Variants in MPDZ observed in about 807,000 individuals in gnomAD.
MPDZ encodes the protein multiple PDZ domain protein.
MPDZ carries 234 observed loss-of-function variants against 239.1 expected under a neutral mutation model. The ratio of observed to expected loss-of-function variants is 0.98; its 90% confidence interval spans 0.88 to 1.09. The LOEUF (loss-of-function observed/expected upper bound fraction) is 1.09, where lower values mean the gene tolerates loss of function less well. MPDZ is among the 50% of genes least tolerant of loss of function. The pLI is 0.00. For synonymous variants in MPDZ, 1,048 were observed against 881.3 expected, an observed-to-expected ratio of 1.19 and a Z score of -3.35; for missense variants, 3,175 against 2,510.0, an observed-to-expected ratio of 1.26 and a Z score of -5.66.
chr9:13,134,199 C>G (rs966410332), intron 31 of MPDZ: 1 of 160,678 alleles, frequency 6.2e-6, no homozygotes, highest in Non-Finnish European at 1.4e-5. Flanking sequence ...TGAAGACTGC[C>G]TGGGTTTACT....
chr9:13,107,992 T>TA (rs1941771131), intron 46 of MPDZ, among the ~76,000 whole-genome samples: 1 of 152,140 alleles, frequency 6.6e-6, no homozygotes, highest in Non-Finnish European at 1.5e-5. Flanking sequence ...ATAGCTTTTT[T>TA]AAAAATCTTA....
intron 10 of MPDZ, among the ~76,000 whole-genome samples, chr9:13,214,998 C>A (rs890681041): frequency 2.6e-5 from 4 of 151,962 alleles, no homozygotes; most frequent in Admixed American, 1.3e-4. Flanking sequence ...ACAATATTTA[C>A]CATCTTACCC....
intron 13 of MPDZ, among the ~76,000 whole-genome samples, 200 bp downstream of exon 13, chr9:13,195,921 T>C (rs770644495): frequency 2.6e-5 from 4 of 152,184 alleles, no homozygotes; most frequent in Non-Finnish European, 5.9e-5. Flanking sequence ...TTCCATCCCA[T>C]TTATTTCAGT....
At chr9:13,218,530 A>T (rs1958651749) in intron 8 of MPDZ, among the ~76,000 whole-genome samples, 1 of 151,944 alleles carries the variant, frequency 6.6e-6, no homozygotes, top group South Asian at 2.1e-4. Flanking sequence ...ATAAACAAGC[A>T]TTCTTTACTT....
intron 11 of MPDZ, 28 bp downstream of exon 11, chr9:13,205,888 A>C (rs1956929373): frequency 2.0e-6 from 3 of 1,530,404 alleles, no homozygotes; most frequent in Non-Finnish European, 2.6e-6. Context: ...TAAAGGTCTA[A>C]CTAAAAACCA....
At chr9:13,231,234 T>G (rs932072224) in intron 3 of MPDZ, among the ~76,000 whole-genome samples, 1 of 152,048 alleles carries the variant, frequency 6.6e-6, no homozygotes, top group African/African-American at 2.4e-5. Context: ...AAAAAATACA[T>G]GAAATGAACA....
intron 3 of MPDZ, among the ~76,000 whole-genome samples, chr9:13,247,411 C>T (rs773401162): frequency 6.6e-6 from 1 of 152,118 alleles, no homozygotes; most frequent in Non-Finnish European, 1.5e-5. Context: ...ATCCACACAG[C>T]TTTCAACACA....
chr9:13,249,008 A>AAAAAAAAAAAAAAAAAAAAAAAAAAAC lies in MPDZ; in HGVS notation c.17-1208_17-1207insGTTTTTTTTTTTTTTTTTTTTTTTTTT, dbSNP rs1279043046. On this transcript the variant is annotated intron_variant, in intron 2 of 46. Coordinates refer to ENST00000319217, the MANE Select transcript of MPDZ (RefSeq NM_001378778.1). ...AAAAAAAAAAAAAAAAAAAAAAAAA[A>AAAAAAAAAAAAAAAAAAAAAAAAAAAC]ATTGGAATCATCACCAGAGATACTT... is the stretch of plus-strand genomic sequence containing the variant. Among the ~76,000 whole-genome samples the AAAAAAAAAAAAAAAAAAAAAAAAAAAC allele has an allele frequency of 3.2e-5, 4 of 125,256 alleles. 1 individual carries two copies. Among genetic ancestry groups the AAAAAAAAAAAAAAAAAAAAAAAAAAAC allele is most frequent in the Non-Finnish European group, 6.9e-5 (4 of 58,354 alleles). 82.2% of individuals were successfully genotyped at this position (125,256 alleles called of 152,430 possible).
chr9:13,196,233 G>A lies in MPDZ; in HGVS notation c.1547-3C>T. On this transcript the variant is annotated splice_polypyrimidine_tract_variant and splice_region_variant and intron_variant, in intron 12 of 46. Coordinates refer to ENST00000319217, the MANE Select transcript of MPDZ (RefSeq NM_001378778.1). ...CTCAGCTGACAGTAATGGATACCCTGAAACAGTCAAGGCAATTAAGTTAGC... is the reference window on the plus strand; with the variant it reads ...CTCAGCTGACAGTAATGGATACCCTAAAACAGTCAAGGCAATTAAGTTAGC... 6.4e-7 allele frequency: 1 copy of A among 1,573,464 alleles called. No individual in the cohort carries two copies. The highest frequency in any genetic ancestry group is 8.7e-7 in the Non-Finnish European group (1 of 1,154,678).
chr9:13,109,216 G>C (rs1942007834), intron 45 of MPDZ, among the ~76,000 whole-genome samples, 157 bp from the exon 46 acceptor site: 1 of 151,908 alleles, frequency 6.6e-6, no homozygotes, highest in Non-Finnish European at 1.5e-5. Flanking sequence ...TAAATTGTCA[G>C]TGCATGCTGT....
chr9:13,217,795 A>T (rs541670838), intron 8 of MPDZ, among the ~76,000 whole-genome samples: 11 of 151,854 alleles, frequency 7.2e-5, no homozygotes, highest in Admixed American at 1.3e-4. Flanking sequence ...TTTGTGTGTA[A>T]CTCAGGATTA....
rs749328423 is a variant in MPDZ, at chr9:13,140,099, C to T, written c.3891G>A (p.Val1297=). The T allele has an allele frequency of 8.1e-6, 13 of 1,613,318 alleles. No homozygotes were observed. The Admixed American group carries it at 2.2e-4, about 27-fold the overall frequency. The change falls in exon 28 of 47, where the codon GTG becomes GTA. Residue 1297 remains valine, a synonymous_variant. Coordinates refer to ENST00000319217, the MANE Select transcript of MPDZ (RefSeq NM_001378778.1). Reference sequence around the variant, plus strand: ...CAAAGGCTGAAGGAGGGGGTGGGGGCACACTGCACAATGGAGCCTTCTCTG... The same window carrying T: ...CAAAGGCTGAAGGAGGGGGTGGGGGTACACTGCACAATGGAGCCTTCTCTG... ...SEPEKAPLCS[V]PPPPPSAFAE...
At chr9:13,154,469 T>C (rs963072455) in intron 24 of MPDZ, among the ~76,000 whole-genome samples, 1 of 152,150 alleles carries the variant, frequency 6.6e-6, no homozygotes, top group African/African-American at 2.4e-5. Context: ...GTCCTGCTCT[T>C]TTGCTACTTA....
At chr9:13,135,090 A>C (rs1471510023) in intron 31 of MPDZ, 1 of 152,206 alleles carries the variant, frequency 6.6e-6, no homozygotes, top group African/African-American at 2.4e-5. Flanking sequence ...GTACATTTTT[A>C]CCAGGCTATC....
intron 10 of MPDZ, among the ~76,000 whole-genome samples, chr9:13,211,044 G>A (rs918116672): frequency 1.3e-5 from 2 of 152,112 alleles, no homozygotes; most frequent in Admixed American, 1.3e-4. Flanking sequence ...GAGACAGACT[G>A]AGTGATATAC....
At chr9:13,272,884 G>A (rs1373973257) in intron 1 of MPDZ, among the ~76,000 whole-genome samples, 1 of 152,050 alleles carries the variant, frequency 6.6e-6, no homozygotes, top group Non-Finnish European at 1.5e-5. Flanking sequence ...GACCTATTAA[G>A]GGGGCTGCTA....
At chr9:13,190,629 T>C (rs73647115) in intron 15 of MPDZ, among the ~76,000 whole-genome samples, 4 of 152,024 alleles carry the variant, frequency 2.6e-5, no homozygotes, top group Admixed American at 2.6e-4. Flanking sequence ...CAGAAAAAAA[T>C]GTAAAGCTAT....
intron 13 of MPDZ, 124 bp downstream of exon 13, chr9:13,195,997 T>C (rs539151480): frequency 3.3e-6 from 2 of 605,206 alleles, no homozygotes; most frequent in African/African-American, 1.9e-5. Flanking sequence ...ATTTAGGTTG[T>C]CTAAAAAAGG....
chr9:13,183,381 C>G (rs1953637560), intron 19 of MPDZ, 37 bp downstream of exon 19: 6 of 1,554,102 alleles, frequency 3.9e-6, no homozygotes, highest in Non-Finnish European at 4.3e-6. Flanking sequence ...ACACACAAGA[C>G]TTTCCTATAA....
Sources: gnomAD v4.1 joint callset for allele counts (sites outside exome capture counted in the v4.1 genomes callset) on GRCh38, gnomAD v4.1.1 for gene constraint, MANE v1.5 for transcripts, NCBI Gene and HGNC (gene_info 2026-07-23, HGNC 2026-07-21) for gene names.